The following GNAQ variants were observed in gnomAD, a reference collection of about 807,000 sequenced individuals.
GNAQ encodes G protein subunit alpha q.
In GNAQ, 8 loss-of-function variants were observed where a neutral mutation model predicts 43.9. The observed-to-expected ratio is 0.18, with a 90% CI of 0.11 to 0.33. The LOEUF is 0.33. Ranked by LOEUF, GNAQ falls within the 10% of genes least tolerant of loss-of-function variation. The probability of loss-of-function intolerance (pLI) is 1.00; values close to 1 mark genes in which losing one functional copy is unlikely to be tolerated. For missense variants in GNAQ, 158 were observed against 450.8 expected (o/e 0.35, Z 5.88); for synonymous variants, 155 against 170.7 (o/e 0.91, Z 0.71).
intron 1 of GNAQ, among the ~76,000 whole-genome samples, chr9:77,961,989 A>G (rs1564163779): frequency 1.3e-5 from 2 of 152,200 alleles, no homozygotes; most frequent in Non-Finnish European, 2.9e-5. Context: ...ATGTATTTTT[A>G]AAGTCCCAAA....
intron 1 of GNAQ, among the ~76,000 whole-genome samples, chr9:78,028,310 TA>T (rs1289506268): frequency 6.6e-6 from 1 of 152,056 alleles, no homozygotes; most frequent in Non-Finnish European, 1.5e-5. Flanking sequence ...AAAGTTAAAA[TA>T]AAAATATATA....
chr9:77,763,137 C>CAAAA (rs746721052), intron 5 of GNAQ, among the ~76,000 whole-genome samples: 4 of 126,426 alleles, frequency 3.2e-5, no homozygotes, highest in African/African-American at 1.3e-4. Context: ...AACAAACAAA[C>CAAAA]AAACAAAAAA....
Position 78,031,381 on chromosome 9 carries a change from C to G in GNAQ, c.-146G>C. The G allele has an allele frequency of 2.3e-6, 1 of 426,638 alleles. No homozygotes were observed. The highest frequency in any genetic ancestry group is 3.6e-6 in the Non-Finnish European group (1 of 281,026). 26.4% of individuals were successfully genotyped at this position (426,638 alleles called of 1,614,324 possible). A position where few individuals can be genotyped will look rare whatever the true frequency, so the allele number is the denominator to read the frequency against. ...CGCGTCCGGGACGAGCTCCGGGAAC[C>G]GCCGCGGGGGCGGCGGCCAGGGCCG... On this transcript the variant is annotated 5_prime_UTR_variant, in exon 1 of 7. Transcript: ENST00000286548.
At position 77,721,487 on chromosome 9, in the gene GNAQ, G is replaced by A; in HGVS notation, c.916C>T (p.Arg306Ter). ...ACGAACATCTTCAGAATGAATTCTC[G>A]GGCTGCCTGGGCATCTCTCTGGGGT... ...DGPQRDAQAA[R>*]EFILKMFVDL... Residue 306 changes from arginine (R) to a stop codon, truncating the protein, a stop_gained, in exon 7 of 7, where the codon CGA (arginine) becomes TGA (stop). Transcript: ENST00000286548. LOFTEE classifies it high-confidence loss of function. 6.2e-7 allele frequency: 1 copy of A among 1,611,478 alleles called. No homozygotes were observed. Among genetic ancestry groups the A allele is most frequent in the Non-Finnish European group, 8.5e-7 (1 of 1,178,318 alleles).
intron 2 of GNAQ, among the ~76,000 whole-genome samples, chr9:77,904,395 C>T (rs989975833): frequency 2.4e-5 from 3 of 126,138 alleles, no homozygotes; most frequent in Non-Finnish European, 4.7e-5. Flanking sequence ...TGCAGTGGTA[C>T]GATCTTGGCT....
At chr9:77,863,231 A>AAAGGAAGG (rs948027920) in intron 2 of GNAQ, among the ~76,000 whole-genome samples, 18 of 59,974 alleles carry the variant, frequency 3.0e-4, no homozygotes, top group African/African-American at 6.8e-4. Context: ...AGGAAGGAAG[A>AAAGGAAGG]AAGGAAGGAA....
intron 1 of GNAQ, among the ~76,000 whole-genome samples, chr9:77,966,440 T>C (rs1330788321): frequency 6.6e-6 from 1 of 152,190 alleles, no homozygotes; most frequent in Non-Finnish European, 1.5e-5. Context: ...GCTATGTACG[T>C]TTTTCTTTAT....
chr9:78,031,588 A>AGCCGCC lies in GNAQ; in HGVS notation c.-359_-354dup, dbSNP rs573121588. The AGCCGCC allele has an allele frequency of 1.1e-4, 17 of 148,956 alleles. No homozygotes were observed. Among genetic ancestry groups the AGCCGCC allele is most frequent in the Admixed American group, 2.0e-4 (3 of 14,772 alleles). The allele number at this position is 148,956 out of a possible 1,614,324, so 9.2% of individuals were successfully genotyped here. On this transcript the variant is annotated 5_prime_UTR_variant, in exon 1 of 7. Transcript: ENST00000286548. ...AACAGGCGGCCCGCCTCGCCCCCCG[A>AGCCGCC]GCCGCCGCCGCCGCCGCCGCCTGCG...
chr9:77,762,867 A>G (rs1301227747), intron 5 of GNAQ, among the ~76,000 whole-genome samples: 2 of 152,038 alleles, frequency 1.3e-5, no homozygotes, highest in African/African-American at 4.8e-5. Context: ...GGGCGGTGCA[A>G]GATGTGCTTT....
chr9:77,739,714 G>A (rs901804984), intron 5 of GNAQ, among the ~76,000 whole-genome samples: 7 of 152,208 alleles, frequency 4.6e-5, no homozygotes, highest in Non-Finnish European at 4.4e-5. Context: ...GCAAACTGTA[G>A]GAGAGTTGTT....
Position 77,912,954 on chromosome 9 carries a change from AG to A in GNAQ, c.321+9206del, listed in dbSNP as rs1436699358. Among the ~76,000 whole-genome samples the A allele has an allele frequency of 2.0e-5, 3 of 152,156 alleles. No homozygotes were observed. The East Asian group carries it at 5.8e-4, about 29-fold the overall frequency. On this transcript the variant is annotated intron_variant, in intron 2 of 6. Transcript: ENST00000286548. ...AGTTCTTGACCAGCCTGGGCAACATAGCTGAGACCCAGTCTCAAACACAAAC... is the reference window on the plus strand; with the variant it reads ...AGTTCTTGACCAGCCTGGGCAACATACTGAGACCCAGTCTCAAACACAAAC...
At chr9:78,011,853 C>G (rs918890341) in intron 1 of GNAQ, among the ~76,000 whole-genome samples, 1 of 151,810 alleles carries the variant, frequency 6.6e-6, no homozygotes, top group African/African-American at 2.4e-5. Flanking sequence ...ATTGGTGTAC[C>G]TAAAGAAGAA....
At position 77,721,576 on chromosome 9, in the gene GNAQ, T is replaced by C. The variant is rs190985140; in HGVS notation, c.890-63A>G. The C allele has an allele frequency of 2.8e-4, 262 of 945,332 alleles. 1 individual carries two copies. The East Asian group carries it at 4.3e-3, about 16-fold the overall frequency. 58.6% of individuals were successfully genotyped at this position (945,332 alleles called of 1,614,324 possible). A position where few individuals can be genotyped will look rare whatever the true frequency, so the allele number is the denominator to read the frequency against. On this transcript the variant is annotated intron_variant, in intron 6 of 6. Transcript: ENST00000286548. ...AATCTGCTAATGTATTCAATCATCA[T>C]TGGTTCAATAAATACTGTGTCATTG...
chr9:77,926,190 T>G lies in GNAQ; in HGVS notation c.137-3845A>C, dbSNP rs142777308. On this transcript the variant is annotated intron_variant, in intron 1 of 6. Coordinates refer to ENST00000286548, the MANE Select transcript of GNAQ (RefSeq NM_002072.5). ...AGACAAATGAATTATTTCTAACAAA[T>G]GTGTAAGCCAAATTTCATGTGTCAT... 7.0e-3 allele frequency among the ~76,000 whole-genome samples: 1,071 copies of G among 152,274 alleles called. 20 individuals carry two copies. The highest frequency in any genetic ancestry group is 0.024 in the African/African-American group (994 of 41,566).
intron 1 of GNAQ, among the ~76,000 whole-genome samples, chr9:77,930,633 A>G (rs1044302931): frequency 1.3e-5 from 2 of 152,216 alleles, no homozygotes; most frequent in Admixed American, 6.5e-5. Context: ...ATAAACATAC[A>G]TATTTTGATG....
At chr9:77,753,704 T>G (rs977992540) in intron 5 of GNAQ, among the ~76,000 whole-genome samples, 3 of 152,216 alleles carry the variant, frequency 2.0e-5, no homozygotes, top group African/African-American at 4.8e-5. Flanking sequence ...TAGAGAGGTC[T>G]CGAAATACTA....
At chr9:77,895,034 CAA>C (rs879426371) in intron 2 of GNAQ, among the ~76,000 whole-genome samples, 4 of 128,882 alleles carry the variant, frequency 3.1e-5, no homozygotes, top group Admixed American at 7.8e-5. Flanking sequence ...ACTAAAAATA[CAA>C]AAAAAAAAAA....
At chr9:77,833,776 G>C (rs1030351849) in intron 2 of GNAQ, among the ~76,000 whole-genome samples, 2 of 152,000 alleles carry the variant, frequency 1.3e-5, no homozygotes, top group African/African-American at 4.8e-5. Flanking sequence ...TCTTATACTT[G>C]TTTTATGTAA....
intron 3 of GNAQ, among the ~76,000 whole-genome samples, chr9:77,811,398 A>G (rs1305982721): frequency 6.6e-6 from 1 of 152,140 alleles, no homozygotes; most frequent in African/African-American, 2.4e-5. Flanking sequence ...AACATACTGA[A>G]GATGCACTAG....
Sources: gnomAD v4.1 joint callset for allele counts (sites outside exome capture counted in the v4.1 genomes callset) on GRCh38, gnomAD v4.1.1 for gene constraint, MANE v1.5 for transcripts, NCBI Gene and HGNC (gene_info 2026-07-23, HGNC 2026-07-21) for gene names.